FMN1: variants seen among roughly 807,000 people sequenced by gnomAD.
The protein encoded by FMN1 is formin-1.
A neutral mutation model predicts 132.4 loss-of-function variants in FMN1; 110 were observed. The observed-to-expected ratio is 0.83, with a 90% CI of 0.71 to 0.97. The LOEUF is 0.97. Among genes scored for constraint, FMN1 ranks in the 50% least tolerant of loss-of-function variants. The pLI, the probability that FMN1 is intolerant of heterozygous loss-of-function variation, is 0.00. For synonymous variants in FMN1, 722 were observed against 651.7 expected, an observed-to-expected ratio of 1.11 and a Z score of -1.64; for missense variants, 1,792 against 1,705.3, an observed-to-expected ratio of 1.05 and a Z score of -0.90.
chr15:33,066,623 G>GT, intron 5 of FMN1: 1 of 1,613,892 alleles, frequency 6.2e-7, no homozygotes, highest in Middle Eastern at 1.7e-4. Flanking sequence ...CAGCTCAGAG[G>GT]TGTCAGCTGT....
chr15:32,872,795 T>C (rs1276821495), intron 16 of FMN1, among the ~76,000 whole-genome samples: 3 of 152,234 alleles, frequency 2.0e-5, no homozygotes, highest in African/African-American at 4.8e-5. Flanking sequence ...ACGGTTTCTC[T>C]GACCTCTGAG....
intron 9 of FMN1, among the ~76,000 whole-genome samples, chr15:32,949,003 GA>G (rs1199612584): frequency 6.6e-6 from 1 of 151,762 alleles, no homozygotes; most frequent in Non-Finnish European, 1.5e-5. Context: ...GCACTTAACT[GA>G]TTTTTGATCT....
chr15:32,872,271 TTCAAG>T (rs1396660667), intron 16 of FMN1, among the ~76,000 whole-genome samples: 3 of 152,218 alleles, frequency 2.0e-5, no homozygotes, highest in Non-Finnish European at 4.4e-5. Flanking sequence ...ACGATTGCAA[TTCAAG>T]TCATTTGTGA....
In FMN1 at chr15:33,077,257, A is replaced by G. The variant is rs2038248271; in HGVS notation, c.2043+11542T>C. ...TCTATGTTGCTCAGGCTGGTTTCAA[A>G]CTCCTGGGCTCAAGCGATCCACCTG... On this transcript the variant is annotated intron_variant, in intron 5 of 20. Coordinates refer to ENST00000616417, the MANE Select transcript of FMN1 (RefSeq NM_001277313.2). 2.0e-5 allele frequency among the ~76,000 whole-genome samples: 3 copies of G among 150,196 alleles called. 1 individual carries two copies. The highest frequency in any genetic ancestry group is 2.1e-4 in the South Asian group (1 of 4,714).
intron 9 of FMN1, among the ~76,000 whole-genome samples, chr15:32,930,891 A>G (rs2061099184): frequency 6.6e-6 from 1 of 152,086 alleles, no homozygotes; most frequent in Admixed American, 6.6e-5. Flanking sequence ...TAAGGGTCCA[A>G]TTTCATTCTT....
chr15:32,779,318 A>C (rs1434616125), intron 19 of FMN1, among the ~76,000 whole-genome samples: 1 of 152,210 alleles, frequency 6.6e-6, no homozygotes, highest in African/African-American at 2.4e-5. Flanking sequence ...ATGATATGTA[A>C]ATTCTATCTC....
At chr15:33,077,552 C>T (rs1269438413) in intron 5 of FMN1, among the ~76,000 whole-genome samples, 1 of 151,602 alleles carries the variant, frequency 6.6e-6, no homozygotes, top group African/African-American at 2.4e-5. Context: ...GTGTGATGTT[C>T]CCCTTCCTAT....
chr15:32,897,074 G>A (rs2060177801), intron 15 of FMN1, among the ~76,000 whole-genome samples: 1 of 152,076 alleles, frequency 6.6e-6, no homozygotes, highest in Non-Finnish European at 1.5e-5. Flanking sequence ...GTCAACACTT[G>A]CTATTTTCCA....
At chr15:32,842,640 A>G (rs962163969) in intron 17 of FMN1, among the ~76,000 whole-genome samples, 1 of 152,242 alleles carries the variant, frequency 6.6e-6, no homozygotes. Context: ...AACTAATAAT[A>G]CGTAAAAGTT....
At position 32,767,861 on chromosome 15, in the gene FMN1, G is replaced by A. The variant is rs766010924; in HGVS notation, c.*6449C>T. 1 of 152,142 alleles carries A rather than the reference G, an allele frequency of 6.6e-6. No homozygotes were observed. The highest frequency in any genetic ancestry group is 1.5e-5 in the Non-Finnish European group (1 of 68,030). 9.4% of individuals were successfully genotyped at this position (152,142 alleles called of 1,614,324 possible). On this transcript the variant is annotated 3_prime_UTR_variant, in exon 21 of 21. Transcript: ENST00000616417. Reference sequence around the variant, plus strand: ...GACTTTCCCTCTCACTCATGGATTTGTTTTCAATGGAAATGGAAGCCTTCC... The same window carrying A: ...GACTTTCCCTCTCACTCATGGATTTATTTTCAATGGAAATGGAAGCCTTCC...
At chr15:33,121,477 A>G (rs1340684447) in intron 4 of FMN1, among the ~76,000 whole-genome samples, 2 of 152,162 alleles carry the variant, frequency 1.3e-5, no homozygotes, top group Admixed American at 6.5e-5. Flanking sequence ...GGTAGAAATC[A>G]TTTGTCTATT....
intron 9 of FMN1, among the ~76,000 whole-genome samples, chr15:32,945,572 A>G (rs563830233): frequency 2.0e-5 from 3 of 152,300 alleles, no homozygotes; most frequent in Non-Finnish European, 2.9e-5. Flanking sequence ...GCTTTTGGAA[A>G]GAACACATGC....
intron 5 of FMN1, among the ~76,000 whole-genome samples, chr15:33,070,197 G>T (rs946329083): frequency 6.6e-6 from 1 of 151,206 alleles, no homozygotes; most frequent in Non-Finnish European, 1.5e-5. Context: ...TAGAGACAAG[G>T]TTTCTCCATG....
Position 33,154,070 on chromosome 15 carries a change from C to G in FMN1, c.845G>C (p.Arg282Pro). The G allele has an allele frequency of 6.5e-7, 1 of 1,536,050 alleles. No individual in the cohort carries two copies. Among genetic ancestry groups the G allele is most frequent in the Non-Finnish European group, 8.7e-7 (1 of 1,146,818 alleles). The change falls in exon 4 of 21, where the codon CGG (arginine) becomes CCG (proline). Residue 282 changes from arginine (R) to proline (P), a missense_variant. Physicochemically the swap from Arg to Pro is moderately radical, Grantham distance 103 (BLOSUM62 -2). Coordinates refer to ENST00000616417, the MANE Select transcript of FMN1 (RefSeq NM_001277313.2). ...SSTEAGGDGI[R>P]RPPSGLEHQQ... is the part of the protein sequence containing the mutation. ...ATGCTCCAGCCCGCTCGGCGGCCTC[C>G]GAATGCCATCCCCTCCTGCCTCTGT... is the stretch of plus-strand genomic sequence containing the variant.
chr15:32,821,116 AATTTTCTAAGAGATAATCAG>A (rs1316571533), intron 17 of FMN1, among the ~76,000 whole-genome samples: 7 of 119,894 alleles, frequency 5.8e-5, no homozygotes, highest in East Asian at 4.8e-4. Flanking sequence ...TCTAAGATAC[AATTTTCTAAGAGATAATCAG>A]ATTTTCTAAG....
chr15:33,114,537 A>G (rs1318282927), intron 4 of FMN1, among the ~76,000 whole-genome samples: 1 of 152,232 alleles, frequency 6.6e-6, no homozygotes, highest in Non-Finnish European at 1.5e-5. Flanking sequence ...AATCATTTGA[A>G]TCATCCAGTC....
chr15:32,849,997 C>T (rs2058971660), intron 17 of FMN1, among the ~76,000 whole-genome samples: 1 of 152,182 alleles, frequency 6.6e-6, no homozygotes, highest in Non-Finnish European at 1.5e-5. Context: ...TGTTCTGTTA[C>T]TTAAGTGATC....
chr15:33,155,306 A>T (rs1964629232), intron 3 of FMN1, among the ~76,000 whole-genome samples: 2 of 152,008 alleles, frequency 1.3e-5, no homozygotes, highest in African/African-American at 4.8e-5. Flanking sequence ...CTACATGGGG[A>T]CTCACTGTGC....
chr15:33,112,256 T>G (rs1330943427), intron 4 of FMN1, among the ~76,000 whole-genome samples: 1 of 151,480 alleles, frequency 6.6e-6, no homozygotes, highest in Non-Finnish European at 1.5e-5. Flanking sequence ...ATATAAACAT[T>G]AGAAGTTTGA....
Sources: gnomAD v4.1 joint callset for allele counts (sites outside exome capture counted in the v4.1 genomes callset) on GRCh38, gnomAD v4.1.1 for gene constraint, MANE v1.5 for transcripts, NCBI Gene and HGNC (gene_info 2026-07-23, HGNC 2026-07-21) for gene names.